The following TMEM178B variants were observed in gnomAD, a reference collection of about 807,000 sequenced individuals.
The protein encoded by TMEM178B is transmembrane protein 178B.
TMEM178B carries 5 observed loss-of-function variants against 31.0 expected under a neutral mutation model. The observed-to-expected ratio is 0.16, with a 90% confidence interval of 0.08 to 0.34. The LOEUF is 0.34. TMEM178B is among the 10% of genes least tolerant of loss of function. TMEM178B has a pLI of 1.00. For missense variants in TMEM178B, 275 were observed against 400.3 expected (o/e 0.69, Z 2.67); for synonymous variants, 164 against 164.0 (o/e 1.00, Z 0.00).
At chr7:141,293,373 T>A (rs1798579736) in intron 2 of TMEM178B, among the ~76,000 whole-genome samples, 1 of 152,236 alleles carries the variant, frequency 6.6e-6, no homozygotes, top group Non-Finnish European at 1.5e-5. Flanking sequence ...GGCATTCCTT[T>A]CATTTAGAAT....
At chr7:141,486,151 G>A in the TMEM178B span, among the ~76,000 whole-genome samples, 1 of 152,308 alleles carries the variant, frequency 6.6e-6, no homozygotes, top group African/African-American at 2.4e-5. Context: ...GTCAGATGCA[G>A]AAAGACAGAC....
At chr7:141,504,358 G>A in the TMEM178B span, among the ~76,000 whole-genome samples, 3 of 152,304 alleles carry the variant, frequency 2.0e-5, no homozygotes, top group Middle Eastern at 3.4e-3. Context: ...TGGTACAGTA[G>A]TTCTGGCAGG....
intron 2 of TMEM178B, among the ~76,000 whole-genome samples, chr7:141,395,191 G>A (rs1256529040): frequency 6.6e-6 from 1 of 152,184 alleles, no homozygotes; most frequent in Non-Finnish European, 1.5e-5. Flanking sequence ...TACTCCAGGA[G>A]AATCTACAGA....
chr7:141,507,694 T>C, the TMEM178B span, among the ~76,000 whole-genome samples: 10 of 152,242 alleles, frequency 6.6e-5, no homozygotes, highest in Non-Finnish European at 1.3e-4. Flanking sequence ...TTGACTTCTG[T>C]GCACCCACAG....
intron 2 of TMEM178B, among the ~76,000 whole-genome samples, chr7:141,282,639 T>C (rs1267300055): frequency 6.6e-6 from 1 of 152,198 alleles, no homozygotes; most frequent in East Asian, 1.9e-4. Flanking sequence ...ACAACACCAA[T>C]TTAAGCCTTA....
At chr7:141,420,255 G>A (rs1443094101) in intron 2 of TMEM178B, among the ~76,000 whole-genome samples, 2 of 151,994 alleles carry the variant, frequency 1.3e-5, no homozygotes, top group Non-Finnish European at 2.9e-5. Flanking sequence ...TCTCTGGAAA[G>A]TGTGTTTAAT....
In TMEM178B at chr7:141,422,603, GCCTCATTGT is replaced by G. The variant is rs759580391; in HGVS notation, c.497-15004_497-14996del. Among the ~76,000 whole-genome samples, 29,274 of 151,816 alleles carry G rather than the reference GCCTCATTGT, an allele frequency of 0.19. 3,114 individuals are homozygous for G. The highest frequency in any genetic ancestry group is 0.39 in the South Asian group (1,889 of 4,814). On this transcript the variant is annotated intron_variant, in intron 2 of 3. Transcript: ENST00000565468. The surrounding 1 kb of genome is among the most constrained non-coding windows in gnomAD (Gnocchi z 4.2). ...CAGAGGCAGCATGAAACAGCCTCTG[GCCTCATTGT>G]TTCAGGCCACAGCTAGGCACCCTCC...
At chr7:141,139,767 T>C (rs1447254760) in intron 1 of TMEM178B, among the ~76,000 whole-genome samples, 2 of 125,206 alleles carry the variant, frequency 1.6e-5, no homozygotes, top group Admixed American at 1.5e-4. Flanking sequence ...TAGAATGAAG[T>C]TTTTTTTTTT....
chr7:141,369,934 A>T (rs1476410840), intron 2 of TMEM178B, among the ~76,000 whole-genome samples: 1 of 152,254 alleles, frequency 6.6e-6, no homozygotes, highest in South Asian at 2.1e-4. Context: ...TAAAAGCAAC[A>T]ACAAGGAAAA....
intron 2 of TMEM178B, among the ~76,000 whole-genome samples, chr7:141,401,077 T>G (rs1339973480): frequency 3.9e-5 from 6 of 152,338 alleles, no homozygotes; most frequent in East Asian, 1.9e-4. Context: ...ATTGCTGATC[T>G]AGGGTAGCTA....
chr7:141,444,527 T>G (rs1801717868), intron 3 of TMEM178B, among the ~76,000 whole-genome samples: 1 of 152,226 alleles, frequency 6.6e-6, no homozygotes, highest in East Asian at 1.9e-4. Context: ...GATCTACTTC[T>G]GTTATAAACT....
At chr7:141,117,415 G>T (rs1385584220) in intron 1 of TMEM178B, among the ~76,000 whole-genome samples, 1 of 151,896 alleles carries the variant, frequency 6.6e-6, no homozygotes, top group Non-Finnish European at 1.5e-5. Flanking sequence ...TTAGCCCTTT[G>T]TCAGGTTGAT....
chr7:141,343,533 T>TTC (rs1799554713), intron 2 of TMEM178B, among the ~76,000 whole-genome samples: 1 of 144,354 alleles, frequency 6.9e-6, no homozygotes, highest in African/African-American at 2.6e-5. Flanking sequence ...ACCTTTTTTT[T>TTC]TTTTTTTTTT....
intron 3 of TMEM178B, among the ~76,000 whole-genome samples, chr7:141,458,376 G>A (rs886479413): frequency 1.3e-5 from 2 of 152,176 alleles, no homozygotes; most frequent in African/African-American, 2.4e-5. Context: ...CCCCACTGGA[G>A]GCTGTAAACT....
At chr7:141,485,599 T>G in the TMEM178B span, among the ~76,000 whole-genome samples, 1 of 152,256 alleles carries the variant, frequency 6.6e-6, no homozygotes, top group Non-Finnish European at 1.5e-5. Context: ...CACTGGCTAA[T>G]GAGGTGATGT....
At chr7:141,102,453 C>T (rs772778187) in intron 1 of TMEM178B, among the ~76,000 whole-genome samples, 7 of 152,098 alleles carry the variant, frequency 4.6e-5, no homozygotes, top group Non-Finnish European at 7.4e-5. Context: ...ATTCAATTGA[C>T]AGGGGTTGGT....
At chr7:141,205,042 T>A (rs1362981172) in intron 1 of TMEM178B, among the ~76,000 whole-genome samples, 1 of 152,048 alleles carries the variant, frequency 6.6e-6, no homozygotes, top group Admixed American at 6.6e-5. Context: ...CCCAGGTTCG[T>A]CTTGAACTCC....
At chr7:141,492,372 T>G in the TMEM178B span, among the ~76,000 whole-genome samples, 1 of 152,236 alleles carries the variant, frequency 6.6e-6, no homozygotes, top group African/African-American at 2.4e-5. Context: ...GCACTTTTAT[T>G]CTAATTTGCA....
At chr7:141,409,731 CT>C (rs35816338) in intron 2 of TMEM178B, among the ~76,000 whole-genome samples, 246 of 143,842 alleles carry the variant, frequency 1.7e-3, no homozygotes, top group Middle Eastern at 7.2e-3. Flanking sequence ...CTGTCTTTGT[CT>C]TTTTTTTTTT....
Sources: gnomAD v4.1 joint callset for allele counts (sites outside exome capture counted in the v4.1 genomes callset) on GRCh38, gnomAD v4.1.1 for gene constraint, Gnocchi (gnomAD v3.1) non-coding constraint, MANE v1.5 for transcripts, NCBI Gene and HGNC (gene_info 2026-07-23, HGNC 2026-07-21) for gene names.